Variants in FHOD3 observed in about 807,000 individuals in gnomAD.
FHOD3 encodes formin homology 2 domain containing 3.
FHOD3 carries 90 observed loss-of-function variants against 173.0 expected under a neutral mutation model. The ratio of observed to expected loss-of-function variants is 0.52; its 90% CI spans 0.44 to 0.62. FHOD3 has a LOEUF of 0.62. Among genes scored for constraint, FHOD3 ranks in the 20% least tolerant of loss-of-function variants. The pLI, the probability that FHOD3 is intolerant of heterozygous loss-of-function variation, is 0.00. For synonymous variants in FHOD3, 828 were observed against 823.0 expected (o/e 1.01, Z -0.10); for missense variants, 1,945 against 2,034.7 (o/e 0.96, Z 0.85).
At chr18:36,468,373 G>A (rs1020814310) in intron 3 of FHOD3, among the ~76,000 whole-genome samples, 8 of 152,234 alleles carry the variant, frequency 5.3e-5, no homozygotes, top group African/African-American at 1.9e-4. Flanking sequence ...GATGGCCAGG[G>A]ATGTCAGCTG....
At chr18:36,664,592 G>A (rs376530278) in intron 14 of FHOD3, among the ~76,000 whole-genome samples, 10 of 152,224 alleles carry the variant, frequency 6.6e-5, no homozygotes, top group African/African-American at 1.9e-4. Context: ...GTGCTGTGCT[G>A]TGGGACTGTG....
chr18:36,759,740 G>A (rs971709727), intron 26 of FHOD3, among the ~76,000 whole-genome samples: 10 of 152,206 alleles, frequency 6.6e-5, no homozygotes, highest in African/African-American at 1.4e-4. Context: ...GGAGAGAGCC[G>A]TGTAGATGCT....
Position 36,594,877 on chromosome 18 carries a change from A to C in FHOD3, c.697A>C (p.Thr233Pro). The change falls in exon 7 of 29, where the codon ACT becomes CCT. Residue 233 changes from threonine to proline, a missense_variant. By Grantham distance (38) the Thr-to-Pro change is conservative. Coordinates refer to ENST00000590592, the MANE Select transcript of FHOD3 (RefSeq NM_001281740.3). ...SNAPLLIQAVTAVDTKRGVKP... is the reference protein window; with the variant it reads ...SNAPLLIQAVPAVDTKRGVKP... ...CGCACCTCTCCTAATTCAGGCTGTC[A>C]CTGCTGTTGACACGAAAAGAGGTGA... 1 of 1,613,228 alleles carries C rather than the reference A, an allele frequency of 6.2e-7. No individual in the cohort carries two copies. Among genetic ancestry groups the C allele is most frequent in the Non-Finnish European group, 8.5e-7 (1 of 1,179,522 alleles).
chr18:36,328,192 T>C (rs904209745), intron 1 of FHOD3, among the ~76,000 whole-genome samples: 1 of 152,146 alleles, frequency 6.6e-6, no homozygotes, highest in East Asian at 1.9e-4. Flanking sequence ...GGGAGACAAG[T>C]GTTTGGCAGG....
chr18:36,772,103 C>T (rs1422093499), intron 28 of FHOD3, among the ~76,000 whole-genome samples: 2 of 152,134 alleles, frequency 1.3e-5, no homozygotes, highest in African/African-American at 2.4e-5. Flanking sequence ...CCTATGGTAT[C>T]GTTTTCATTT....
chr18:36,668,625 A>G (rs896106876), intron 14 of FHOD3, among the ~76,000 whole-genome samples: 9 of 151,946 alleles, frequency 5.9e-5, no homozygotes, highest in African/African-American at 2.2e-4. Flanking sequence ...CAGTGTTACA[A>G]ATTTTCCTCT....
At chr18:36,322,373 G>T (rs932686988) in intron 1 of FHOD3, among the ~76,000 whole-genome samples, 4 of 152,102 alleles carry the variant, frequency 2.6e-5, no homozygotes, top group Admixed American at 2.6e-4. Flanking sequence ...ACATTCTTGG[G>T]GATCTCCAGA....
chr18:36,704,351 G>A (rs1450329464), intron 17 of FHOD3, among the ~76,000 whole-genome samples: 1 of 152,192 alleles, frequency 6.6e-6, no homozygotes, highest in Admixed American at 6.5e-5. Flanking sequence ...TGCCTGTAAT[G>A]TTACCAGGCA....
At chr18:36,470,906 G>A (rs1306883244) in intron 3 of FHOD3, among the ~76,000 whole-genome samples, 1 of 152,174 alleles carries the variant, frequency 6.6e-6, no homozygotes, top group African/African-American at 2.4e-5. Flanking sequence ...CCCCTGGACT[G>A]ATGGTGCCTT....
chr18:36,659,783 G>A (rs1600125450), intron 14 of FHOD3, among the ~76,000 whole-genome samples: 1 of 152,318 alleles, frequency 6.6e-6, no homozygotes. Context: ...CCTGGGCTTG[G>A]ATGTTCTTCC....
chr18:36,591,990 A>C (rs756852750), intron 6 of FHOD3, among the ~76,000 whole-genome samples: 1 of 152,238 alleles, frequency 6.6e-6, no homozygotes, highest in Non-Finnish European at 1.5e-5. Context: ...AGGCCGAGGC[A>C]GGCAGATCAC....
intron 2 of FHOD3, among the ~76,000 whole-genome samples, chr18:36,368,596 CAAT>C (rs1475692029): frequency 2.0e-5 from 3 of 151,960 alleles, no homozygotes; most frequent in African/African-American, 7.2e-5. Flanking sequence ...TTTAGAATGT[CAAT>C]AATGTTATCT....
rs34586462 is a variant in FHOD3, at chr18:36,512,689, GC to G, written c.511+148del. ...GACACCCTTTGGCAAAAAAACATCT[GC>G]CATAGGTAAAACAGGTTTTACCAGT... On this transcript the variant is annotated intron_variant, in intron 5 of 28. Transcript: ENST00000590592. 0.58 allele frequency: 355,045 copies of G among 616,376 alleles called. 103,039 individuals are homozygous for G. Among genetic ancestry groups the G allele is most frequent in the East Asian group, 0.64 (23,266 of 36,148 alleles). 38.2% of individuals were successfully genotyped at this position (616,376 alleles called of 1,614,324 possible). A position where few individuals can be genotyped will look rare whatever the true frequency, so the allele number is the denominator to read the frequency against.
intron 6 of FHOD3, among the ~76,000 whole-genome samples, chr18:36,593,351 C>T (rs1223064720): frequency 6.6e-6 from 1 of 152,128 alleles, no homozygotes; most frequent in Non-Finnish European, 1.5e-5. Flanking sequence ...AGCTGAGCAC[C>T]TGGGCACTGG....
intron 13 of FHOD3, among the ~76,000 whole-genome samples, chr18:36,656,763 A>C (rs563041464): frequency 6.6e-6 from 1 of 152,238 alleles, no homozygotes; most frequent in African/African-American, 2.4e-5. Flanking sequence ...GTCACTTATA[A>C]AATTGGTAAT....
chr18:36,374,769 C>A (rs1202782284), intron 3 of FHOD3, among the ~76,000 whole-genome samples: 1 of 152,226 alleles, frequency 6.6e-6, no homozygotes, highest in East Asian at 1.9e-4. Context: ...ATTTGTGCCT[C>A]ATCACAGGTA....
intron 6 of FHOD3, among the ~76,000 whole-genome samples, chr18:36,582,188 G>A (rs1478416541): frequency 6.6e-6 from 1 of 152,162 alleles, no homozygotes. Flanking sequence ...CATGGAGCCT[G>A]GTGCTCCATG....
In FHOD3 at chr18:36,491,935, A is replaced by G. The variant is rs148907793; in HGVS notation, c.338-9997A>G. Among the ~76,000 whole-genome samples, 407 of 152,318 alleles carry G rather than the reference A, an allele frequency of 2.7e-3. 1 individual carries two copies. Among genetic ancestry groups the G allele is most frequent in the African/African-American group, 8.5e-3 (355 of 41,568 alleles). On this transcript the variant is annotated intron_variant, in intron 3 of 28. Coordinates refer to ENST00000590592, the MANE Select transcript of FHOD3 (RefSeq NM_001281740.3). Reference sequence around the variant, plus strand: ...AGTTTTAGCCATTATGAATATGGATATGATTTTCACATCTTCTGTGAAAGT... The same window carrying G: ...AGTTTTAGCCATTATGAATATGGATGTGATTTTCACATCTTCTGTGAAAGT...
At chr18:36,399,239 T>C (rs1162763982) in intron 3 of FHOD3, among the ~76,000 whole-genome samples, 2 of 152,126 alleles carry the variant, frequency 1.3e-5, no homozygotes, top group African/African-American at 2.4e-5. Context: ...CCTGGCCCAA[T>C]TTCAGTGTCC....
Sources: gnomAD v4.1 joint callset for allele counts (sites outside exome capture counted in the v4.1 genomes callset) on GRCh38, gnomAD v4.1.1 for gene constraint, MANE v1.5 for transcripts, NCBI Gene and HGNC (gene_info 2026-07-23, HGNC 2026-07-21) for gene names.